RGS7: variants seen among roughly 807,000 people sequenced by gnomAD.
RGS7 encodes regulator of G protein signaling 7.
A neutral mutation model predicts 81.1 loss-of-function variants in RGS7; 27 were observed. The observed-to-expected ratio is 0.33, with a 90% confidence interval of 0.25 to 0.46. The LOEUF (loss-of-function observed/expected upper bound fraction) is 0.46, where lower values mean the gene tolerates loss of function less well. Among genes scored for constraint, RGS7 ranks in the 20% least tolerant of loss-of-function variants. RGS7 has a pLI of 1.00. For synonymous variants in RGS7, 208 were observed against 207.7 expected (o/e 1.00, Z -0.01); for missense variants, 396 against 607.4 (o/e 0.65, Z 3.66).
rs1490225082 is a variant in RGS7 at position 241,293,159 on chromosome 1, C to T, written c.78+62540G>A. On this transcript the variant is annotated intron_variant, in intron 2 of 18. Coordinates refer to ENST00000440928, the MANE Select transcript of RGS7 (RefSeq NM_001364886.1). ...TATAATGGAGCTGAAAATTTCCTAT[C>T]GCCTAGCAACACTGTAGCAGTCATA... is the stretch of plus-strand genomic sequence containing the variant. Among the ~76,000 whole-genome samples the T allele has an allele frequency of 3.3e-5, 5 of 152,264 alleles. No homozygotes were observed. In the East Asian group the frequency reaches 7.7e-4, roughly 24 times the overall value.
At chr1:241,286,184 T>A (rs1242540862) in intron 2 of RGS7, among the ~76,000 whole-genome samples, 1 of 152,098 alleles carries the variant, frequency 6.6e-6, no homozygotes, top group Non-Finnish European at 1.5e-5. Context: ...CTTCACCAAT[T>A]CTGTAATGTT....
At chr1:241,189,662 A>C (rs1477858777) in intron 2 of RGS7, among the ~76,000 whole-genome samples, 1 of 152,198 alleles carries the variant, frequency 6.6e-6, no homozygotes, top group Non-Finnish European at 1.5e-5. Context: ...TTTTACATTT[A>C]AGTCCATGCT....
chr1:240,794,485 T>C (rs1210809053), intron 18 of RGS7, among the ~76,000 whole-genome samples: 2 of 152,232 alleles, frequency 1.3e-5, no homozygotes, highest in Non-Finnish European at 2.9e-5. Flanking sequence ...TGGGATTATT[T>C]ATGGGGAACA....
intron 2 of RGS7, among the ~76,000 whole-genome samples, chr1:241,349,044 T>C (rs2083078349): frequency 6.6e-6 from 1 of 152,210 alleles, no homozygotes; most frequent in Non-Finnish European, 1.5e-5. Flanking sequence ...AGGCATGTAT[T>C]GGAAACCTAA....
chr1:241,065,319 ATATAT>A (rs1397166615), intron 3 of RGS7, among the ~76,000 whole-genome samples: 1 of 151,224 alleles, frequency 6.6e-6, no homozygotes, highest in Non-Finnish European at 1.5e-5. Context: ...TATATGACAG[ATATAT>A]TATAGACAAA....
At chr1:241,050,927 T>C (rs1251573377) in intron 3 of RGS7, among the ~76,000 whole-genome samples, 2 of 152,208 alleles carry the variant, frequency 1.3e-5, no homozygotes, top group African/African-American at 2.4e-5. Flanking sequence ...CAGTAAGTTA[T>C]TAGCAGCCAA....
chr1:240,922,224 TTAAAA>T (rs1239188258), intron 6 of RGS7, among the ~76,000 whole-genome samples: 3 of 152,008 alleles, frequency 2.0e-5, no homozygotes, highest in Non-Finnish European at 4.4e-5. Context: ...AAAAATTAAC[TTAAAA>T]TAAATTATAC....
chr1:240,829,254 C>T (rs1263903097), intron 9 of RGS7, among the ~76,000 whole-genome samples: 1 of 152,050 alleles, frequency 6.6e-6, no homozygotes, highest in Non-Finnish European at 1.5e-5. Context: ...ATAGAAATCA[C>T]TGGTTCAGCA....
chr1:240,960,822 G>C (rs1321640290), intron 4 of RGS7, among the ~76,000 whole-genome samples: 1 of 152,142 alleles, frequency 6.6e-6, no homozygotes, highest in African/African-American at 2.4e-5. Flanking sequence ...AATGAAGCTT[G>C]AGACCTAACT....
intron 2 of RGS7, among the ~76,000 whole-genome samples, chr1:241,295,081 A>G (rs548917863): frequency 6.6e-6 from 1 of 152,290 alleles, no homozygotes; most frequent in Non-Finnish European, 1.5e-5. Context: ...CCTTCCTACT[A>G]TTTTTCTATT....
intron 6 of RGS7, among the ~76,000 whole-genome samples, chr1:240,924,000 C>A (rs1056639649): frequency 6.6e-6 from 1 of 151,994 alleles, no homozygotes; most frequent in African/African-American, 2.4e-5. Context: ...TTTCAAAATT[C>A]TTTTAAATTA....
chr1:241,225,404 A>G (rs757045117), intron 2 of RGS7, among the ~76,000 whole-genome samples: 2 of 152,236 alleles, frequency 1.3e-5, no homozygotes, highest in African/African-American at 2.4e-5. Context: ...TGCTGATAGC[A>G]TAAGAGCTTT....
At chr1:241,013,295 C>T (rs545074393) in intron 3 of RGS7, among the ~76,000 whole-genome samples, 6 of 151,882 alleles carry the variant, frequency 4.0e-5, no homozygotes, top group African/African-American at 1.5e-4. Context: ...ACTCCTGACC[C>T]CAAGTGATCT....
intron 2 of RGS7, among the ~76,000 whole-genome samples, chr1:241,245,901 A>G (rs1028441609): frequency 6.6e-6 from 1 of 151,946 alleles, no homozygotes; most frequent in African/African-American, 2.4e-5. Flanking sequence ...TCAGGAGATC[A>G]AGACCATCCT....
intron 6 of RGS7, among the ~76,000 whole-genome samples, chr1:240,893,478 T>C (rs1287170180): frequency 6.6e-6 from 1 of 152,154 alleles, no homozygotes; most frequent in East Asian, 1.9e-4. Flanking sequence ...TCCCATAGTA[T>C]TTAAAAACAA....
At chr1:241,207,352 T>C (rs2815870) in intron 2 of RGS7, among the ~76,000 whole-genome samples, 30,561 of 150,686 alleles carry the variant, frequency 0.2, 4,225 homozygotes, top group African/African-American at 0.38. Context: ...AAAATGCATA[T>C]ATATATATGC....
intron 5 of RGS7, among the ~76,000 whole-genome samples, chr1:240,935,210 T>C (rs1019937994): frequency 1.4e-4 from 22 of 152,262 alleles, no homozygotes; most frequent in African/African-American, 5.3e-4. Flanking sequence ...GGTGCCCTTT[T>C]AGACCCATGA....
intron 15 of RGS7, among the ~76,000 whole-genome samples, chr1:240,805,151 G>C (rs1413464216): frequency 6.6e-6 from 1 of 151,942 alleles, no homozygotes; most frequent in Admixed American, 6.6e-5. Context: ...AAGGTGGGAG[G>C]ATTGCTTGAG....
At chr1:241,101,209 C>T (rs2064710668) in intron 2 of RGS7, among the ~76,000 whole-genome samples, 1 of 152,148 alleles carries the variant, frequency 6.6e-6, no homozygotes, top group Non-Finnish European at 1.5e-5. Context: ...ATAAAAAGAA[C>T]ATGATGCTGG....
Sources: allele counts gnomAD v4.1 joint callset (sites outside exome capture counted in the v4.1 genomes callset), GRCh38; gene constraint gnomAD v4.1.1; transcripts MANE v1.5; gene names NCBI Gene and HGNC (gene_info 2026-07-23, HGNC 2026-07-21).